GLB1L3: variants seen among roughly 807,000 people sequenced by gnomAD.
GLB1L3 encodes beta-galactosidase-1-like protein 3.
Under a neutral mutation model 89.5 loss-of-function variants are expected in GLB1L3, and 89 were observed. The observed-to-expected ratio is 0.99, with a 90% CI of 0.84 to 1.19. GLB1L3 has a LOEUF of 1.19. Among genes scored for constraint, GLB1L3 ranks in the 50% most tolerant of loss-of-function variants. The pLI is 0.00. For missense variants in GLB1L3, 812 were observed against 813.3 expected (o/e 1.00, Z 0.02); for synonymous variants, 314 against 312.3 (o/e 1.01, Z -0.06).
At chr11:134,288,428 G>C (rs1003218452) in intron 6 of GLB1L3, among the ~76,000 whole-genome samples, 1 of 152,204 alleles carries the variant, frequency 6.6e-6, no homozygotes, top group Non-Finnish European at 1.5e-5. Context: ...ATCAGGCAGC[G>C]GAAGGCCGTG....
Position 134,311,967 on chromosome 11 carries a change from T to G in GLB1L3, c.1288-382T>G, listed in dbSNP as rs535376958. ...GGGCACCACCACGCCCAGCTACATT[T>G]TTAAGTTTTTTGTAGATGTGGGTCT... is the stretch of plus-strand genomic sequence containing the variant. On this transcript the variant is annotated intron_variant, in intron 13 of 19. Transcript: ENST00000431683. The G allele has an allele frequency of 1.7e-4, 27 of 160,718 alleles. No individual in the cohort carries two copies. The East Asian group carries it at 4.4e-3, about 26-fold the overall frequency. 10.0% of individuals were successfully genotyped at this position (160,718 alleles called of 1,614,324 possible).
intron 9 of GLB1L3, among the ~76,000 whole-genome samples, chr11:134,294,586 T>C (rs1172559709): frequency 6.6e-6 from 1 of 152,224 alleles, no homozygotes; most frequent in Non-Finnish European, 1.5e-5. Flanking sequence ...CATACAGAGT[T>C]CCACAACCAT....
downstream of GLB1L3, among the ~76,000 whole-genome samples, chr11:134,322,115 A>G (rs1159294969): frequency 6.6e-6 from 1 of 152,230 alleles, no homozygotes; most frequent in Non-Finnish European, 1.5e-5. Flanking sequence ...TCGAAAGTCC[A>G]AGGATAAAAA....
Position 134,277,468 on chromosome 11 carries a change from C to CGGG in GLB1L3, c.149+17_149+18insGGG. ...CCAGCCTAGGTTTGCTTGAGAGCTA[C>CGGG]ATCCCTGGGGAGGGAGGGGAGCGAT... On this transcript the variant is annotated intron_variant, in intron 2 of 19. Transcript: ENST00000431683. 1 of 1,608,954 alleles carries CGGG rather than the reference C, an allele frequency of 6.2e-7. No individual in the cohort carries two copies. The highest frequency in any genetic ancestry group is 8.5e-7 in the Non-Finnish European group (1 of 1,177,000).
At chr11:134,325,114 A>G in the GLB1L3 span, among the ~76,000 whole-genome samples, 1 of 152,196 alleles carries the variant, frequency 6.6e-6, no homozygotes, top group Non-Finnish European at 1.5e-5. Flanking sequence ...AATTCTTAAT[A>G]ATTGTTTTTG....
intron 9 of GLB1L3, among the ~76,000 whole-genome samples, chr11:134,301,067 G>A (rs1219075881): frequency 2.0e-5 from 3 of 152,138 alleles, no homozygotes; most frequent in South Asian, 2.1e-4. Context: ...AGACTCTCAC[G>A]CTGGCCCACA....
chr11:134,307,079 T>G, intron 9 of GLB1L3, 45 bp from the exon 10 acceptor site: 1 of 1,466,230 alleles, frequency 6.8e-7, no homozygotes, highest in Non-Finnish European at 9.5e-7. Flanking sequence ...GATTTTTCTT[T>G]TTTGTTTTTT....
chr11:134,290,138 G>A (rs369059247), intron 7 of GLB1L3, among the ~76,000 whole-genome samples: 29 of 152,340 alleles, frequency 1.9e-4, no homozygotes, highest in African/African-American at 6.7e-4. Context: ...CTTTTCCCAG[G>A]GGACGCGTGG....
intron 1 of GLB1L3, 94 bp from the exon 2 acceptor site, chr11:134,277,232 G>A (rs201731948): frequency 5.2e-6 from 8 of 1,541,578 alleles, no homozygotes; most frequent in East Asian, 2.3e-5. Context: ...CCCTGGCTCT[G>A]GCCTCTAAAG....
intron 4 of GLB1L3, 100 bp downstream of exon 4, chr11:134,281,545 G>A: frequency 8.1e-7 from 1 of 1,235,698 alleles, no homozygotes; most frequent in Non-Finnish European, 1.2e-6. Flanking sequence ...GAGGGACGTG[G>A]GTCTGGAGTC....
intron 2 of GLB1L3, 108 bp from the exon 3 acceptor site, chr11:134,277,592 G>A (rs1318493085): frequency 1.6e-5 from 24 of 1,509,048 alleles, no homozygotes; most frequent in Non-Finnish European, 2.2e-5. Flanking sequence ...CACAGAACAC[G>A]TCCTACTAAC....
intron 9 of GLB1L3, 138 bp from the exon 10 acceptor site, chr11:134,306,986 G>T: frequency 1.6e-6 from 1 of 608,198 alleles, no homozygotes. Flanking sequence ...AGAAATACTG[G>T]ATCAAAACGG....
chr11:134,285,908 G>GC (rs1368748965), intron 6 of GLB1L3, among the ~76,000 whole-genome samples: 1 of 130,128 alleles, frequency 7.7e-6, no homozygotes, highest in African/African-American at 2.8e-5. Context: ...TGTGAGTTCT[G>GC]TTTTTTTTTT....
chr11:134,320,748 A>AC (rs959522507), downstream of GLB1L3, among the ~76,000 whole-genome samples: 1 of 152,144 alleles, frequency 6.6e-6, no homozygotes, highest in African/African-American at 2.4e-5. Context: ...CAAAAAAAAA[A>AC]AACAAAATAT....
chr11:134,312,776 G>A (rs376721068), intron 14 of GLB1L3, 40 bp from the exon 15 acceptor site: 58 of 1,536,832 alleles, frequency 3.8e-5, no homozygotes, highest in Middle Eastern at 1.7e-4. Flanking sequence ...CCCTTTCTTC[G>A]GGTGGGCCTA....
At chr11:134,300,499 A>AT (rs997986578) in intron 9 of GLB1L3, among the ~76,000 whole-genome samples, 7 of 151,160 alleles carry the variant, frequency 4.6e-5, no homozygotes, top group Non-Finnish European at 5.9e-5. Flanking sequence ...CGCCAGGCTA[A>AT]TTTTTTTTGT....
At chr11:134,280,831 C>T (rs772658797) in intron 3 of GLB1L3, among the ~76,000 whole-genome samples, 1 of 152,114 alleles carries the variant, frequency 6.6e-6, no homozygotes, top group Non-Finnish European at 1.5e-5. Flanking sequence ...AAACATGTTG[C>T]CAGTGGCACA....
chr11:134,319,825 C>T (rs1943140351), downstream of GLB1L3, among the ~76,000 whole-genome samples: 7 of 151,064 alleles, frequency 4.6e-5, no homozygotes, highest in Admixed American at 4.6e-4. Context: ...CTTTCATTTC[C>T]CTTCAACTAT....
chr11:134,290,081 G>T (rs1488861786), intron 7 of GLB1L3, among the ~76,000 whole-genome samples: 2 of 152,252 alleles, frequency 1.3e-5, no homozygotes, highest in African/African-American at 4.8e-5. Context: ...CGCTATAGCT[G>T]TGGCTTCTGG....
Sources: allele counts gnomAD v4.1 joint callset (sites outside exome capture counted in the v4.1 genomes callset), GRCh38; gene constraint gnomAD v4.1.1; transcripts MANE v1.5; gene names NCBI Gene and HGNC (gene_info 2026-07-23, HGNC 2026-07-21).